The following MACROD2 variants were observed in gnomAD, a reference collection of about 807,000 sequenced individuals.
MACROD2 encodes ADP-ribose glycohydrolase MACROD2.
MACROD2 carries 36 observed loss-of-function variants against 70.4 expected under a neutral mutation model. The ratio of observed to expected loss-of-function variants is 0.51; its 90% CI spans 0.39 to 0.68. The LOEUF is 0.68. Ranked by LOEUF, MACROD2 falls within the 30% of genes least tolerant of loss-of-function variation. The probability of loss-of-function intolerance (pLI) is 0.00; values close to 1 mark genes in which losing one functional copy is unlikely to be tolerated. For synonymous variants in MACROD2, 172 were observed against 178.8 expected (o/e 0.96, Z 0.30); for missense variants, 496 against 538.4 (o/e 0.92, Z 0.78).
intron 9 of MACROD2, among the ~76,000 whole-genome samples, chr20:15,867,818 T>C (rs1307712659): frequency 6.6e-6 from 1 of 152,174 alleles, no homozygotes; most frequent in Non-Finnish European, 1.5e-5. Context: ...GTTGGAAGCT[T>C]AAGACTTGTC....
chr20:15,250,963 T>C (rs923312335), intron 6 of MACROD2, among the ~76,000 whole-genome samples: 12 of 152,280 alleles, frequency 7.9e-5, no homozygotes, highest in South Asian at 2.1e-4. Context: ...CTATGAAAGC[T>C]TCATGTTTGC....
intron 8 of MACROD2, 131 bp downstream of exon 8, chr20:15,499,978 CT>C (rs2047345166): frequency 1.3e-6 from 1 of 764,954 alleles, no homozygotes; most frequent in South Asian, 1.7e-5. Context: ...GCTGACCATT[CT>C]TCACTTGGGT....
intron 3 of MACROD2, among the ~76,000 whole-genome samples, chr20:14,460,011 T>C (rs957106665): frequency 6.6e-6 from 1 of 152,120 alleles, no homozygotes; most frequent in African/African-American, 2.4e-5. Flanking sequence ...TTGCTGAGAA[T>C]GATGGTTTCC....
chr20:14,393,327 A>G (rs1221079574), intron 3 of MACROD2, among the ~76,000 whole-genome samples: 1 of 152,200 alleles, frequency 6.6e-6, no homozygotes, highest in African/African-American at 2.4e-5. Context: ...TTTGAAGTCA[A>G]TAACCTAGTG....
chr20:15,385,847 C>A (rs1048566086), intron 6 of MACROD2, among the ~76,000 whole-genome samples: 2 of 152,136 alleles, frequency 1.3e-5, no homozygotes, highest in Non-Finnish European at 2.9e-5. Flanking sequence ...TCCTCAGGAG[C>A]CTCTTTTCCT....
chr20:15,998,596 G>A (rs1383895105), intron 15 of MACROD2, among the ~76,000 whole-genome samples: 15 of 119,640 alleles, frequency 1.3e-4, no homozygotes, highest in Non-Finnish European at 8.3e-5. Context: ...ACGGAGTCTT[G>A]CTCTGTCCCC....
chr20:14,081,626 A>G (rs1447725637), intron 2 of MACROD2, among the ~76,000 whole-genome samples: 1 of 152,206 alleles, frequency 6.6e-6, no homozygotes, highest in Non-Finnish European at 1.5e-5. Flanking sequence ...AGGGTATGGA[A>G]AAAGATACAT....
chr20:15,614,838 A>G (rs2049016276), intron 8 of MACROD2, among the ~76,000 whole-genome samples: 1 of 152,178 alleles, frequency 6.6e-6, no homozygotes, highest in Non-Finnish European at 1.5e-5. Context: ...TGCCAAACTA[A>G]TATATTCATG....
chr20:15,170,154 A>G lies in MACROD2; in HGVS notation c.419-59786A>G, dbSNP rs58743621. On this transcript the variant is annotated intron_variant, in intron 5 of 17. Transcript: ENST00000684519. ...ACTCTTTAGGTTAGCTTGCTAATTTATAACTATCTAGTTTTTCCTAAATTC... is the reference window on the plus strand; with the variant it reads ...ACTCTTTAGGTTAGCTTGCTAATTTGTAACTATCTAGTTTTTCCTAAATTC... Among the ~76,000 whole-genome samples, 1,222 of 152,352 alleles carry G rather than the reference A, an allele frequency of 8.0e-3. 20 individuals carry two copies. The highest frequency in any genetic ancestry group is 0.028 in the African/African-American group (1,147 of 41,582).
intron 8 of MACROD2, among the ~76,000 whole-genome samples, chr20:15,633,280 C>T (rs1368249678): frequency 1.3e-5 from 2 of 152,062 alleles, no homozygotes; most frequent in African/African-American, 4.8e-5. Flanking sequence ...CAGCAAGAGT[C>T]ACTATTTAAC....
At position 15,051,559 on chromosome 20, in the gene MACROD2, A is replaced by C. The variant is rs143334601; in HGVS notation, c.419-178381A>C. 8.6e-4 allele frequency among the ~76,000 whole-genome samples: 131 copies of C among 152,220 alleles called. 2 individuals carry two copies. The East Asian group carries it at 0.024, about 28-fold the overall frequency. The stretch of plus-strand genomic sequence containing the variant: ...AGGAAAACCTCAGTTTTGCTCTTAA[A>C]GCCTTTCAGCTGAGTAGATGAGGCC... On this transcript the variant is annotated intron_variant, in intron 5 of 17. Transcript: ENST00000684519.
chr20:14,810,922 C>T (rs1343502901), intron 5 of MACROD2, among the ~76,000 whole-genome samples: 1 of 151,992 alleles, frequency 6.6e-6, no homozygotes, highest in Non-Finnish European at 1.5e-5. Flanking sequence ...CAAACCACTG[C>T]TCAAGGAAAT....
intron 5 of MACROD2, among the ~76,000 whole-genome samples, chr20:15,175,783 A>G (rs1281121315): frequency 5.9e-5 from 9 of 152,198 alleles, no homozygotes; most frequent in Admixed American, 4.6e-4. Flanking sequence ...ACTGGCTGCA[A>G]TGGCTAGGTG....
At chr20:14,602,003 AGCTTCT>A (rs1982529802) in intron 4 of MACROD2, among the ~76,000 whole-genome samples, 1 of 152,186 alleles carries the variant, frequency 6.6e-6, no homozygotes, top group Non-Finnish European at 1.5e-5. Context: ...TGACGCTCAA[AGCTTCT>A]TGAGAACATG....
chr20:14,478,859 T>A (rs1272836735), intron 3 of MACROD2, among the ~76,000 whole-genome samples: 1 of 152,160 alleles, frequency 6.6e-6, no homozygotes, highest in African/African-American at 2.4e-5. Flanking sequence ...GTGGGCCTTG[T>A]GTATCTGGTG....
intron 6 of MACROD2, among the ~76,000 whole-genome samples, chr20:15,271,410 A>G (rs2077345284): frequency 6.6e-6 from 1 of 152,302 alleles, no homozygotes; most frequent in Non-Finnish European, 1.5e-5. Context: ...GTTTCAACCT[A>G]TGAATTTTGT....
intron 3 of MACROD2, among the ~76,000 whole-genome samples, chr20:14,451,888 T>G (rs2122988101): frequency 6.6e-6 from 1 of 152,326 alleles, no homozygotes; most frequent in Middle Eastern, 3.4e-3. Context: ...CCTTGAATTA[T>G]GCTGAACACT....
chr20:14,621,672 T>A (rs2123453545), intron 4 of MACROD2: 1 of 152,308 alleles, frequency 6.6e-6, no homozygotes, highest in South Asian at 2.1e-4. Flanking sequence ...AAGTGAGGTA[T>A]CCTCTAGAGG....
In MACROD2 at chr20:15,028,738, A is replaced by G. The variant is rs138011448; in HGVS notation, c.419-201202A>G. 4.2e-3 allele frequency among the ~76,000 whole-genome samples: 638 copies of G among 152,304 alleles called. 6 individuals are homozygous for G. The highest frequency in any genetic ancestry group is 0.015 in the African/African-American group (609 of 41,572). On this transcript the variant is annotated intron_variant, in intron 5 of 17. Transcript: ENST00000684519. ...GGGTGAATATGAGTTTAGCCATCAG[A>G]TGACTGGTAAAGGTGGACAGTCCAG...
Sources: gnomAD v4.1 joint callset for allele counts (sites outside exome capture counted in the v4.1 genomes callset) on GRCh38, gnomAD v4.1.1 for gene constraint, MANE v1.5 for transcripts, NCBI Gene and HGNC (gene_info 2026-07-23, HGNC 2026-07-21) for gene names.